Variants in ADCYAP1R1 observed in about 807,000 individuals in gnomAD.
ADCYAP1R1 encodes the protein pituitary adenylate cyclase-activating polypeptide type I receptor.
ADCYAP1R1 carries 44 observed loss-of-function variants against 67.6 expected under a neutral mutation model. That is an observed-to-expected ratio of 0.65 (90% confidence interval 0.51 to 0.84). The LOEUF (loss-of-function observed/expected upper bound fraction) is 0.84. ADCYAP1R1 is among the 40% of genes least tolerant of loss of function. The pLI, the probability that ADCYAP1R1 is intolerant of heterozygous loss-of-function variation, is 0.00. For missense variants in ADCYAP1R1, 477 were observed against 587.9 expected (o/e 0.81, Z 1.95); for synonymous variants, 222 against 219.6 (o/e 1.01, Z -0.10).
At position 31,106,664 on chromosome 7, in the gene ADCYAP1R1, G is replaced by C. The variant is rs542936820; in HGVS notation, c.1387G>C (p.Ala463Pro). 2 of 1,610,092 alleles carry C rather than the reference G, an allele frequency of 1.2e-6. No homozygotes were observed. Among genetic ancestry groups the C allele is most frequent in the South Asian group, 2.2e-5 (2 of 90,300 alleles). Residue 463 changes from alanine (A) to proline (P), a missense_variant, in exon 16 of 16, where the codon GCT becomes CCT. By Grantham distance (27) the Ala-to-Pro change is conservative (BLOSUM62 -1). Transcript: ENST00000304166. ...SSQIRMSGLP[A>P]DNLAT ...CCAAATCCGCATGTCTGGCCTCCCT[G>C]CTGACAATCTGGCCACCTGAGCCAT...
At chr7:31,093,773 A>G (rs920713367) in intron 13 of ADCYAP1R1, among the ~76,000 whole-genome samples, 5 of 152,122 alleles carry the variant, frequency 3.3e-5, no homozygotes, top group African/African-American at 9.7e-5. Context: ...TCCTGCCTTC[A>G]TCAGAGACCC....
At chr7:31,077,214 C>A (rs1190415214) in intron 3 of ADCYAP1R1, among the ~76,000 whole-genome samples, 1 of 152,222 alleles carries the variant, frequency 6.6e-6, no homozygotes, top group Non-Finnish European at 1.5e-5. Context: ...GTGGAGCACA[C>A]CTCAGTGTGT....
At position 31,092,564 on chromosome 7, in the gene ADCYAP1R1, G is replaced by T. The variant is rs181254859; in HGVS notation, c.955-80G>T. The T allele has an allele frequency of 4.0e-3, 4,322 of 1,076,736 alleles. 73 individuals are homozygous for T. Among genetic ancestry groups the T allele is most frequent in the South Asian group, 2.6e-3 (201 of 76,966 alleles). 66.7% of individuals were successfully genotyped at this position (1,076,736 alleles called of 1,614,324 possible). A position where few individuals can be genotyped will look rare whatever the true frequency, so the allele number is the denominator to read the frequency against. On this transcript the variant is annotated intron_variant, in intron 12 of 15. Coordinates refer to ENST00000304166, the MANE Select transcript of ADCYAP1R1 (RefSeq NM_001118.5). ...AGTGTAGATGGGATCTTGACTAGGT[G>T]GGGGAGGGTCCTGCTGGGGAAATAA...
chr7:31,071,929 C>T (rs55840830), intron 3 of ADCYAP1R1, among the ~76,000 whole-genome samples: 4,069 of 151,966 alleles, frequency 0.027, 173 homozygotes, highest in African/African-American at 0.093. Flanking sequence ...ATCTGGTTCT[C>T]ACCTGGCCCT....
intron 2 of ADCYAP1R1, among the ~76,000 whole-genome samples, chr7:31,063,620 C>T (rs368364653): frequency 1.3e-5 from 2 of 152,340 alleles, no homozygotes; most frequent in East Asian, 3.9e-4. Flanking sequence ...CTGCAGAAGC[C>T]TCTTTCAATT....
At chr7:31,069,048 C>T (rs1794862405) in intron 3 of ADCYAP1R1, among the ~76,000 whole-genome samples, 1 of 151,380 alleles carries the variant, frequency 6.6e-6, no homozygotes, top group South Asian at 2.1e-4. Context: ...CCTCTCCAGA[C>T]CAAAGTCCTC....
At chr7:31,064,732 C>A in intron 2 of ADCYAP1R1, 99 bp from the exon 3 acceptor site, 1 of 942,858 alleles carries the variant, frequency 1.1e-6, no homozygotes, top group Non-Finnish European at 1.7e-6. Context: ...TGCTTCTGCT[C>A]CCCACTCCCC....
intron 12 of ADCYAP1R1, among the ~76,000 whole-genome samples, chr7:31,089,147 G>T (rs1014380122): frequency 6.6e-6 from 1 of 152,058 alleles, no homozygotes; most frequent in East Asian, 1.9e-4. Flanking sequence ...TTTCTAATGG[G>T]CTATTGCTGG....
At position 31,086,886 on chromosome 7, in the gene ADCYAP1R1, G is replaced by A; in HGVS notation, c.824-57G>A. ...CTCTCGGAGCCCCAGGTCTACGGTG[G>A]ACATTGGACATGTTGGTTTTCCTGT... On this transcript the variant is annotated intron_variant, in intron 10 of 15. Coordinates refer to ENST00000304166, the MANE Select transcript of ADCYAP1R1 (RefSeq NM_001118.5). The surrounding 1 kb of genome is among the most constrained non-coding windows in gnomAD (Gnocchi z 5.0). 6.4e-7 allele frequency: 1 copy of A among 1,569,140 alleles called. No individual in the cohort carries two copies. Among genetic ancestry groups the A allele is most frequent in the Non-Finnish European group, 8.8e-7 (1 of 1,139,204 alleles).
At position 31,111,191 on chromosome 7, in the gene ADCYAP1R1, G is replaced by A. The variant is rs1796850211; in HGVS notation, c.*4507G>A. ...TCTTTTCCTGAACTCACAGTCTTGGGGTGTTTCTGCACTTGGCTATGTGTG... is the reference window on the plus strand; with the variant it reads ...TCTTTTCCTGAACTCACAGTCTTGGAGTGTTTCTGCACTTGGCTATGTGTG... On this transcript the variant is annotated 3_prime_UTR_variant, in exon 16 of 16. Transcript: ENST00000304166. The A allele has an allele frequency of 6.6e-6, 1 of 152,146 alleles. No homozygotes were observed. The highest frequency in any genetic ancestry group is 1.5e-5 in the Non-Finnish European group (1 of 68,064). The allele number at this position is 152,146 out of a possible 1,614,324, so 9.4% of individuals were successfully genotyped here.
At chr7:31,100,463 T>C (rs1796393242) in intron 13 of ADCYAP1R1, among the ~76,000 whole-genome samples, 3 of 152,104 alleles carry the variant, frequency 2.0e-5, no homozygotes, top group Non-Finnish European at 4.4e-5. Context: ...AGCACCCCCA[T>C]GTTCTCTGCT....
chr7:31,091,224 A>G (rs113207993), intron 12 of ADCYAP1R1, among the ~76,000 whole-genome samples: 5,587 of 152,248 alleles, frequency 0.037, 352 homozygotes, highest in African/African-American at 0.13. Context: ...TCTTCTTTAG[A>G]GAAGTATCCA....
chr7:31,091,777 C>T (rs1362097290), intron 12 of ADCYAP1R1, among the ~76,000 whole-genome samples: 1 of 152,050 alleles, frequency 6.6e-6, no homozygotes, highest in African/African-American at 2.4e-5. Context: ...CAGCCTTTGT[C>T]ATTCAATTCA....
intron 4 of ADCYAP1R1, 124 bp downstream of exon 4, chr7:31,078,222 A>T (rs1220478741): frequency 7.3e-6 from 5 of 681,884 alleles, no homozygotes; most frequent in South Asian, 1.9e-5. Context: ...CTGAGCTCAC[A>T]TGTGGTGTGG....
At chr7:31,105,015 C>T (rs1297455124) in intron 15 of ADCYAP1R1, 106 bp downstream of exon 15, 4 of 1,161,966 alleles carry the variant, frequency 3.4e-6, no homozygotes, top group South Asian at 1.2e-5. Context: ...TCAGAGAGGG[C>T]TCTGCCAGGC....
chr7:31,074,403 AG>A (rs1250348236), intron 3 of ADCYAP1R1, among the ~76,000 whole-genome samples: 1 of 152,184 alleles, frequency 6.6e-6, no homozygotes, highest in African/African-American at 2.4e-5. Flanking sequence ...AATAGTTGTT[AG>A]GAGAATGCAT....
At chr7:31,062,516 T>C (rs1179436904) in intron 1 of ADCYAP1R1, among the ~76,000 whole-genome samples, 3 of 152,204 alleles carry the variant, frequency 2.0e-5, no homozygotes, top group Non-Finnish European at 4.4e-5. Context: ...GAAGGTGGTT[T>C]CCCTCTGGCG....
chr7:31,068,355 A>T (rs1393678272), intron 3 of ADCYAP1R1, among the ~76,000 whole-genome samples: 1 of 152,126 alleles, frequency 6.6e-6, no homozygotes, highest in Non-Finnish European at 1.5e-5. Flanking sequence ...TTACCTAGTA[A>T]ACCCCTCAGC....
rs1796482084 is a variant in ADCYAP1R1 at position 31,102,559 on chromosome 7, T to A, written c.1047-678T>A. ...GGAAGCACTGCAGTCCTCCGGCCCT[T>A]CCTCCCCTGCCTGGCCCACTTCAGA... On this transcript the variant is annotated intron_variant, in intron 13 of 15. Transcript: ENST00000304166. The surrounding 1 kb of genome is among the most constrained non-coding windows in gnomAD (Gnocchi z 4.3). Among the ~76,000 whole-genome samples, 1 of 152,116 alleles carries A rather than the reference T, an allele frequency of 6.6e-6. No individual in the cohort carries two copies. Among genetic ancestry groups the A allele is most frequent in the Admixed American group, 6.5e-5 (1 of 15,274 alleles).
Sources: allele counts gnomAD v4.1 joint callset (sites outside exome capture counted in the v4.1 genomes callset), GRCh38; gene constraint gnomAD v4.1.1; non-coding constraint Gnocchi (gnomAD v3.1); transcripts MANE v1.5; gene names NCBI Gene and HGNC (gene_info 2026-07-23, HGNC 2026-07-21).